The following SLC3A1 variants were observed in gnomAD, a reference collection of about 807,000 sequenced individuals.
SLC3A1 encodes solute carrier family 3 member 1, also known as amino acid transporter heavy chain SLC3A1.
A neutral mutation model predicts 60.3 loss-of-function variants in SLC3A1; 78 were observed. That is an observed-to-expected ratio of 1.29 (90% CI 1.08 to 1.56). The LOEUF (loss-of-function observed/expected upper bound fraction) is 1.56, where lower values mean the gene tolerates loss of function less well. Ranked by LOEUF, SLC3A1 falls within the 40% of genes most tolerant of loss-of-function variation. The pLI is 0.00. For missense variants in SLC3A1, 1,172 were observed against 858.9 expected (o/e 1.36, Z -4.56); for synonymous variants, 392 against 307.9 (o/e 1.27, Z -2.86).
At chr2:44,314,718 C>G (rs17032117) in intron 9 of SLC3A1, 8,415 of 152,694 alleles carry the variant, frequency 0.055, 304 homozygotes, top group South Asian at 0.17. Flanking sequence ...ACAAGCACCA[C>G]TGAGAATTCT....
chr2:44,285,661 T>C (rs1248923462), intron 3 of SLC3A1: 1 of 485,440 alleles, frequency 2.1e-6, no homozygotes, highest in Non-Finnish European at 4.2e-6. Context: ...GTTTCTTTCT[T>C]CCAAATTGAC....
Position 44,275,700 on chromosome 2 carries a change from G to A in SLC3A1, c.165G>A (p.Gln55=). 6.2e-7 allele frequency: 1 copy of A among 1,614,184 alleles called. No individual in the cohort carries two copies. Among genetic ancestry groups the A allele is most frequent in the Non-Finnish European group, 8.5e-7 (1 of 1,180,008 alleles). Residue 55 remains glutamine (Q), a synonymous_variant, in exon 1 of 10, where the codon CAG becomes CAA. Transcript: ENST00000260649. Reference sequence around the variant, plus strand: ...GCACCAGGGGCATCCTTGGCTCCCAGGAGCCCGACTTCAAGGGCGTCCAGC... The same window carrying A: ...GCACCAGGGGCATCCTTGGCTCCCAAGAGCCCGACTTCAAGGGCGTCCAGC... ...KHSTRGILGS[Q]EPDFKGVQPY...
chr2:44,292,868 C>G (rs1182420206), intron 4 of SLC3A1, among the ~76,000 whole-genome samples: 1 of 152,058 alleles, frequency 6.6e-6, no homozygotes, highest in African/African-American at 2.4e-5. Context: ...CTTAAAAGGT[C>G]TTAGGTATTT....
At chr2:44,306,353 G>A (rs1452427232) in intron 7 of SLC3A1, among the ~76,000 whole-genome samples, 1 of 152,062 alleles carries the variant, frequency 6.6e-6, no homozygotes, top group Non-Finnish European at 1.5e-5. Context: ...CCACAATTAA[G>A]CTTATTTCAA....
At chr2:44,319,729 C>T (rs570113945) in intron 9 of SLC3A1, 1 of 154,774 alleles carries the variant, frequency 6.5e-6, no homozygotes, top group African/African-American at 2.4e-5. Flanking sequence ...TACATGTCTG[C>T]TAAAGTTACA....
intron 9 of SLC3A1, among the ~76,000 whole-genome samples, chr2:44,315,816 G>A (rs1306585908): frequency 6.6e-6 from 1 of 151,856 alleles, no homozygotes; most frequent in African/African-American, 2.4e-5. Flanking sequence ...ACTGTTTGGT[G>A]ATCACATGCA....
intron 4 of SLC3A1, among the ~76,000 whole-genome samples, chr2:44,293,973 T>C (rs888164644): frequency 2.6e-5 from 4 of 152,138 alleles, no homozygotes; most frequent in African/African-American, 9.7e-5. Context: ...TTTTACTGTA[T>C]ACAGTACTTG....
At position 44,304,170 on chromosome 2, in the gene SLC3A1, G is replaced by C; in HGVS notation, c.1164G>C (p.Glu388Asp). ...TCATGGGGACTGAAGCCTATGCAGA[G>C]AGTATTGACAGGACCGTGATGTACT... ...YRFMGTEAYA[E>D]SIDRTVMYYG... The change falls in exon 7 of 10, where the codon GAG becomes GAC. Residue 388 changes from glutamate to aspartate, a missense_variant. Physicochemically the swap from Glu to Asp is conservative, Grantham distance 45. Transcript: ENST00000260649. The C allele has an allele frequency of 6.2e-7, 1 of 1,614,142 alleles. No homozygotes were observed. Among genetic ancestry groups the C allele is most frequent in the Non-Finnish European group, 8.5e-7 (1 of 1,179,970 alleles).
In SLC3A1 at chr2:44,320,997, T is replaced by A; in HGVS notation, c.*358T>A. 1 of 387,844 alleles carries A rather than the reference T, an allele frequency of 2.6e-6. No individual in the cohort carries two copies. Among genetic ancestry groups the A allele is most frequent in the Non-Finnish European group, 4.7e-6 (1 of 211,176 alleles). The allele number at this position is 387,844 out of a possible 1,614,324, so 24.0% of individuals were successfully genotyped here. A position where few individuals can be genotyped will look rare whatever the true frequency, so the allele number is the denominator to read the frequency against. Reference sequence around the variant, plus strand: ...TAGAGGATGACTCACTGCCACAGTGTCTAAAAGCATTTGCTAGCAAAGAGG... The same window carrying A: ...TAGAGGATGACTCACTGCCACAGTGACTAAAAGCATTTGCTAGCAAAGAGG... On this transcript the variant is annotated 3_prime_UTR_variant, in exon 10 of 10. Coordinates refer to ENST00000260649, the MANE Select transcript of SLC3A1 (RefSeq NM_000341.4).
At chr2:44,282,904 C>T (rs891879604) in intron 3 of SLC3A1, among the ~76,000 whole-genome samples, 1 of 152,210 alleles carries the variant, frequency 6.6e-6, no homozygotes, top group Middle Eastern at 3.4e-3. Context: ...GTGATCCTCC[C>T]GCTTCGGCCT....
rs779686115 is a variant in SLC3A1, at chr2:44,304,349, A to G, written c.1332+11A>G. The stretch of plus-strand genomic sequence containing the variant: ...TGGCCTAACTGGATGGTAAGTCCTC[A>G]TGACAGCAGAGTACATAATGTGCTG... On this transcript the variant is annotated intron_variant, in intron 7 of 9. Transcript: ENST00000260649. 52 of 1,598,548 alleles carry G rather than the reference A, an allele frequency of 3.3e-5. No homozygotes were observed. The highest frequency in any genetic ancestry group is 4.0e-5 in the Non-Finnish European group (47 of 1,165,776).
intron 9 of SLC3A1, 130 bp downstream of exon 9, chr2:44,314,081 C>A: frequency 6.5e-7 from 1 of 1,549,184 alleles, no homozygotes; most frequent in Non-Finnish European, 8.7e-7. Context: ...GACTTCCTTG[C>A]AGTTTTCCAT....
At chr2:44,279,496 A>C (rs1165241034) in intron 1 of SLC3A1, among the ~76,000 whole-genome samples, 1 of 152,180 alleles carries the variant, frequency 6.6e-6, no homozygotes, top group African/African-American at 2.4e-5. Flanking sequence ...CACTTTCTGC[A>C]GCTCTTCCTT....
intron 7 of SLC3A1, among the ~76,000 whole-genome samples, chr2:44,306,907 A>G (rs2104374847): frequency 6.6e-6 from 1 of 152,250 alleles, no homozygotes; most frequent in South Asian, 2.1e-4. Flanking sequence ...CGGTATATTC[A>G]CAGAATTATG....
intron 9 of SLC3A1, chr2:44,316,350 A>G (rs975015507): frequency 1.3e-5 from 2 of 152,240 alleles, no homozygotes; most frequent in South Asian, 4.1e-4. Flanking sequence ...TAGATCTCTC[A>G]GAAGTATAAA....
chr2:44,307,836 G>T (rs1157272124), intron 7 of SLC3A1, among the ~76,000 whole-genome samples: 5 of 152,062 alleles, frequency 3.3e-5, no homozygotes, highest in Admixed American at 2.6e-4. Flanking sequence ...TAATTTTTAT[G>T]AAGTCCAGTT....
chr2:44,304,169 A>G lies in SLC3A1; in HGVS notation c.1163A>G (p.Glu388Gly). ...TTCATGGGGACTGAAGCCTATGCAG[A>G]GAGTATTGACAGGACCGTGATGTAC... ...YRFMGTEAYA[E>G]SIDRTVMYYG... The change falls in exon 7 of 10, where the codon GAG becomes GGG. Residue 388 changes from glutamate to glycine, a missense_variant. By Grantham distance (98) the Glu-to-Gly change is moderately conservative. Transcript: ENST00000260649. 6.2e-7 allele frequency: 1 copy of G among 1,614,124 alleles called. No homozygotes were observed. The highest frequency in any genetic ancestry group is 8.5e-7 in the Non-Finnish European group (1 of 1,179,976).
chr2:44,303,931 T>C (rs975190329), intron 6 of SLC3A1: 4 of 634,116 alleles, frequency 6.3e-6, no homozygotes, highest in Middle Eastern at 4.1e-4. Flanking sequence ...TATGGCTGCA[T>C]AGTATTCCAT....
At chr2:44,294,156 A>C (rs1255122059) in intron 4 of SLC3A1, among the ~76,000 whole-genome samples, 1 of 152,178 alleles carries the variant, frequency 6.6e-6, no homozygotes, top group Non-Finnish European at 1.5e-5. Context: ...GAGTGTTTCC[A>C]GAAGACGAGA....
Sources: gnomAD v4.1 joint callset for allele counts (sites outside exome capture counted in the v4.1 genomes callset) on GRCh38, gnomAD v4.1.1 for gene constraint, MANE v1.5 for transcripts, NCBI Gene and HGNC (gene_info 2026-07-23, HGNC 2026-07-21) for gene names.